TSHZ2: variants seen among roughly 807,000 people sequenced by gnomAD.
TSHZ2 encodes the protein teashirt homolog 2.
A neutral mutation model predicts 74.4 loss-of-function variants in TSHZ2; 21 were observed. That is an observed-to-expected ratio of 0.28 (90% CI 0.20 to 0.41). The LOEUF is 0.41. TSHZ2 is among the 10% of genes least tolerant of loss of function. The pLI, the probability that TSHZ2 is intolerant of heterozygous loss-of-function variation, is 1.00. For synonymous variants in TSHZ2, 540 were observed against 515.3 expected, an observed-to-expected ratio of 1.05 and a Z score of -0.65; for missense variants, 1,244 against 1,293.5, an observed-to-expected ratio of 0.96 and a Z score of 0.59.
Position 53,256,626 on chromosome 20 carries a change from G to A in TSHZ2, c.*8+55G>A. 4.0e-6 allele frequency: 6 copies of A among 1,515,030 alleles called. No homozygotes were observed. The highest frequency in any genetic ancestry group is 1.4e-5 in the South Asian group (1 of 73,138). The allele number at this position is 1,515,030 out of a possible 1,614,324, so 93.8% of individuals were successfully genotyped here. A position where few individuals can be genotyped will look rare whatever the true frequency, so the allele number is the denominator to read the frequency against. ...AGCCTGGTGAGGAGCTTTCTTACAG[G>A]GAGATGGGTCTGCTTAGAGGCAGCT... On this transcript the variant is annotated intron_variant, in intron 2 of 2. Transcript: ENST00000371497. The surrounding 1 kb of genome is among the most constrained non-coding windows in gnomAD (Gnocchi z 4.3).
intron 1 of TSHZ2, among the ~76,000 whole-genome samples, chr20:52,978,563 C>T (rs968084437): frequency 5.3e-5 from 8 of 152,128 alleles, no homozygotes; most frequent in Admixed American, 1.3e-4. Flanking sequence ...CAGGCATACA[C>T]GGAGTATCAT....
chr20:53,072,976 T>C lies in TSHZ2; in HGVS notation c.40+99643T>C, dbSNP rs371257856. ...GTTCCTTCATCCATCTATCCCTCCA[T>C]CCATCCCTCCCTTCATCCATCCCTC... On this transcript the variant is annotated intron_variant, in intron 1 of 2. Coordinates refer to ENST00000371497, the MANE Select transcript of TSHZ2 (RefSeq NM_173485.6). Among the ~76,000 whole-genome samples the C allele has an allele frequency of 4.8e-4, 73 of 151,126 alleles. 1 individual carries two copies. The South Asian group carries it at 0.013, about 27-fold the overall frequency.
At chr20:53,401,752 T>C (rs1000691399) in intron 2 of TSHZ2, among the ~76,000 whole-genome samples, 10 of 151,528 alleles carry the variant, frequency 6.6e-5, no homozygotes, top group Non-Finnish European at 1.3e-4. Flanking sequence ...TAGTATTCCA[T>C]GGTATATATA....
At chr20:53,221,412 C>T (rs1036927229) in intron 1 of TSHZ2, among the ~76,000 whole-genome samples, 1 of 152,172 alleles carries the variant, frequency 6.6e-6, no homozygotes, top group Non-Finnish European at 1.5e-5. Flanking sequence ...CTGTGGGTAT[C>T]TATAGGGGCC....
rs537110257 is a variant in TSHZ2 at position 53,005,868 on chromosome 20, G to A, written c.40+32535G>A. Among the ~76,000 whole-genome samples the A allele has an allele frequency of 5.9e-4, 90 of 152,186 alleles. 1 individual carries two copies. Among genetic ancestry groups the A allele is most frequent in the African/African-American group, 2.0e-3 (85 of 41,546 alleles). ...ATTTAAGATAAGATAAGCCCATTGG[G>A]TTAATAGCATTTCACCTGCCTTTCC... On this transcript the variant is annotated intron_variant, in intron 1 of 2. Coordinates refer to ENST00000371497, the MANE Select transcript of TSHZ2 (RefSeq NM_173485.6).
At chr20:53,368,780 A>G (rs1981366352) in intron 2 of TSHZ2, among the ~76,000 whole-genome samples, 1 of 152,224 alleles carries the variant, frequency 6.6e-6, no homozygotes, top group Non-Finnish European at 1.5e-5. Context: ...ACTTTATTTG[A>G]TCCAGATCAA....
chr20:53,042,801 A>C (rs1984091325), intron 1 of TSHZ2, among the ~76,000 whole-genome samples: 1 of 152,140 alleles, frequency 6.6e-6, no homozygotes, highest in Admixed American at 6.6e-5. Context: ...GAAATCTATC[A>C]TTGTTATAAG....
intron 2 of TSHZ2, among the ~76,000 whole-genome samples, chr20:53,421,034 T>C (rs1297348639): frequency 1.3e-5 from 2 of 152,226 alleles, no homozygotes; most frequent in African/African-American, 4.8e-5. Context: ...TCAGGACCCT[T>C]TCCCTAATAC....
At chr20:53,092,994 T>G (rs1052492482) in intron 1 of TSHZ2, among the ~76,000 whole-genome samples, 2 of 152,188 alleles carry the variant, frequency 1.3e-5, no homozygotes, top group African/African-American at 4.8e-5. Context: ...GAGCCGGATA[T>G]GGCCCTGGGA....
At chr20:53,449,693 C>G (rs184578275) in intron 2 of TSHZ2, among the ~76,000 whole-genome samples, 1 of 151,646 alleles carries the variant, frequency 6.6e-6, no homozygotes, top group Admixed American at 6.6e-5. Context: ...AATCCTACCC[C>G]CTTCTTCAAG....
At chr20:53,077,272 A>G (rs528382462) in intron 1 of TSHZ2, among the ~76,000 whole-genome samples, 8 of 151,686 alleles carry the variant, frequency 5.3e-5, no homozygotes, top group African/African-American at 1.7e-4. Flanking sequence ...AAAAAATAGC[A>G]TGGTGGCGTG....
intron 1 of TSHZ2, among the ~76,000 whole-genome samples, chr20:53,136,625 AAACACTGG>A (rs1987252404): frequency 1.3e-5 from 2 of 152,196 alleles, no homozygotes; most frequent in African/African-American, 4.8e-5. Flanking sequence ...TCTCCCTCCC[AAACACTGG>A]AACTTCCCAG....
At chr20:53,179,431 C>T (rs1988420541) in intron 1 of TSHZ2, 1 of 152,194 alleles carries the variant, frequency 6.6e-6, no homozygotes, top group Admixed American at 6.5e-5. Context: ...ACAGAAAGTA[C>T]ATAAGCAGCT....
rs1986428290 is a variant in TSHZ2, at chr20:53,490,845, A to T, written c.*3710A>T. 1 of 152,220 alleles carries T rather than the reference A, an allele frequency of 6.6e-6. No individual in the cohort carries two copies. Among genetic ancestry groups the T allele is most frequent in the Non-Finnish European group, 1.5e-5 (1 of 68,038 alleles). 9.4% of individuals were successfully genotyped at this position (152,220 alleles called of 1,614,324 possible). A position where few individuals can be genotyped will look rare whatever the true frequency, so the allele number is the denominator to read the frequency against. On this transcript the variant is annotated 3_prime_UTR_variant, in exon 3 of 3. Transcript: ENST00000371497. The stretch of plus-strand genomic sequence containing the variant: ...ATTCATATATATGTGTATACATATG[A>T]ATTTCACTGTTATTTTCCAGGGTCT...
At chr20:53,336,502 A>T (rs1979953527) in intron 2 of TSHZ2, among the ~76,000 whole-genome samples, 1 of 152,210 alleles carries the variant, frequency 6.6e-6, no homozygotes, top group African/African-American at 2.4e-5. Context: ...GATCTCATTG[A>T]TTGGAAGATG....
intron 2 of TSHZ2, among the ~76,000 whole-genome samples, chr20:53,415,801 C>CAT (rs1983231613): frequency 3.6e-5 from 1 of 27,664 alleles, no homozygotes; most frequent in Non-Finnish European, 8.6e-5. Flanking sequence ...TGTAGATATA[C>CAT]ACACACACAC....
At chr20:53,397,506 G>A (rs1216744751) in intron 2 of TSHZ2, among the ~76,000 whole-genome samples, 1 of 152,172 alleles carries the variant, frequency 6.6e-6, no homozygotes, top group Middle Eastern at 3.2e-3. Flanking sequence ...GGAGAAATAG[G>A]AACACTTTTA....
At chr20:53,377,180 A>C (rs1306599457) in intron 2 of TSHZ2, among the ~76,000 whole-genome samples, 1 of 152,242 alleles carries the variant, frequency 6.6e-6, no homozygotes, top group East Asian at 1.9e-4. Context: ...GCAACATTTT[A>C]CAGTCCCTTT....
chr20:53,368,408 C>G (rs1313903281), intron 2 of TSHZ2, among the ~76,000 whole-genome samples: 1 of 152,124 alleles, frequency 6.6e-6, no homozygotes, highest in Admixed American at 6.6e-5. Context: ...CTCCTGGACT[C>G]AAGCGATTCT....
Sources: gnomAD v4.1 joint callset for allele counts (sites outside exome capture counted in the v4.1 genomes callset) on GRCh38, gnomAD v4.1.1 for gene constraint, Gnocchi (gnomAD v3.1) non-coding constraint, MANE v1.5 for transcripts, NCBI Gene and HGNC (gene_info 2026-07-23, HGNC 2026-07-21) for gene names.